Variants in JARID2 observed in about 807,000 individuals in gnomAD.
The protein encoded by JARID2 is jumonji and AT-rich interaction domain containing 2, also known as protein Jumonji.
A neutral mutation model predicts 125.6 loss-of-function variants in JARID2; 21 were observed. That is an observed-to-expected ratio of 0.17 (90% CI 0.12 to 0.24). The LOEUF is 0.24. Ranked by LOEUF, JARID2 falls within the 10% of genes least tolerant of loss-of-function variation. The probability of loss-of-function intolerance (pLI) is 1.00; values close to 1 mark genes in which losing one functional copy is unlikely to be tolerated. For missense variants in JARID2, 1,303 were observed against 1,639.6 expected (o/e 0.79, Z 3.55); for synonymous variants, 736 against 661.6 (o/e 1.11, Z -1.73).
chr6:15,515,231 G>A (rs367683336), intron 16 of JARID2, among the ~76,000 whole-genome samples: 1 of 152,084 alleles, frequency 6.6e-6, no homozygotes, highest in African/African-American at 2.4e-5. Context: ...GGTAGAGATG[G>A]GGTTTTGCTG....
At chr6:15,476,559 C>T (rs1161083730) in intron 5 of JARID2, among the ~76,000 whole-genome samples, 2 of 152,224 alleles carry the variant, frequency 1.3e-5, no homozygotes, top group African/African-American at 4.8e-5. Context: ...TTGTAATCCA[C>T]TGAACATCCT....
chr6:15,508,935 C>G (rs776912209), intron 12 of JARID2: 4 of 1,285,474 alleles, frequency 3.1e-6, no homozygotes, highest in Non-Finnish European at 4.1e-6. Context: ...GAATATAAAC[C>G]GTGGTATTTC....
At chr6:15,276,762 C>CTG (rs1760537746) in intron 1 of JARID2, among the ~76,000 whole-genome samples, 1 of 152,180 alleles carries the variant, frequency 6.6e-6, no homozygotes, top group Non-Finnish European at 1.5e-5. Flanking sequence ...TGGCCTGGTC[C>CTG]TTGGAGGAGA....
chr6:15,261,611 C>G (rs921193254), intron 1 of JARID2, among the ~76,000 whole-genome samples: 1 of 151,690 alleles, frequency 6.6e-6, no homozygotes, highest in African/African-American at 2.4e-5. Flanking sequence ...TGAGCCACCC[C>G]GCCCGGCCTG....
chr6:15,469,334 CT>C (rs1768925360), intron 5 of JARID2, among the ~76,000 whole-genome samples: 1 of 65,474 alleles, frequency 1.5e-5, no homozygotes, highest in Non-Finnish European at 3.0e-5. Flanking sequence ...CTCTCTCTCT[CT>C]CCTGTCTCTC....
rs945456619 is a variant in JARID2, at chr6:15,315,841, G to A, written c.46-58276G>A. Reference sequence around the variant, plus strand: ...ACTGGGCCCAGTGTGCCGTCCATACGTTGAGTACGTTCATTAGTGATTTCA... The same window carrying A: ...ACTGGGCCCAGTGTGCCGTCCATACATTGAGTACGTTCATTAGTGATTTCA... On this transcript the variant is annotated intron_variant, in intron 1 of 17. Coordinates refer to ENST00000341776, the MANE Select transcript of JARID2 (RefSeq NM_004973.4). Among the ~76,000 whole-genome samples, 4 of 152,264 alleles carry A rather than the reference G, an allele frequency of 2.6e-5. No homozygotes were observed. The South Asian group carries it at 8.3e-4, about 32-fold the overall frequency.
intron 1 of JARID2, chr6:15,248,852 G>T (rs1232429751): frequency 5.7e-5 from 54 of 955,180 alleles, no homozygotes; most frequent in Non-Finnish European, 6.0e-5. Flanking sequence ...GGAGGAGGGA[G>T]CTGGGCGGGG....
chr6:15,418,012 T>G (rs950994702), intron 3 of JARID2, among the ~76,000 whole-genome samples: 9 of 152,108 alleles, frequency 5.9e-5, no homozygotes, highest in Non-Finnish European at 1.0e-4. Flanking sequence ...AGTTATTGAG[T>G]CACGGGAAGG....
At chr6:15,329,302 C>T (rs564430577) in intron 1 of JARID2, among the ~76,000 whole-genome samples, 5 of 151,844 alleles carry the variant, frequency 3.3e-5, no homozygotes, top group African/African-American at 1.2e-4. Context: ...TGTGATTAAT[C>T]CTGCAATGAG....
At chr6:15,511,167 G>A (rs1771259368) in intron 12 of JARID2, 129 bp from the exon 13 acceptor site, 9 of 701,710 alleles carry the variant, frequency 1.3e-5, no homozygotes, top group South Asian at 8.0e-5. Context: ...AGGCCAGTGC[G>A]CCATCCCTGC....
intron 17 of JARID2, among the ~76,000 whole-genome samples, chr6:15,517,560 T>G (rs1481866358): frequency 6.6e-6 from 1 of 152,196 alleles, no homozygotes; most frequent in Non-Finnish European, 1.5e-5. Flanking sequence ...CCACTGTGGT[T>G]TAGACCCAGA....
At position 15,275,544 on chromosome 6, in the gene JARID2, C is replaced by CCCCG. The variant is rs1554118142; in HGVS notation, c.45+28960_45+28961insCCCG. 1.1e-3 allele frequency among the ~76,000 whole-genome samples: 100 copies of CCCCG among 94,682 alleles called. 6 individuals carry two copies. The highest frequency in any genetic ancestry group is 1.9e-3 in the South Asian group (3 of 1,580). 62.1% of individuals were successfully genotyped at this position (94,682 alleles called of 152,430 possible). ...TTACCGCCCCCCCCGCCCCCCCCCC[C>CCCCG]GTCTTTTGCCTCTTCAATGACCAGG... On this transcript the variant is annotated intron_variant, in intron 1 of 17. Transcript: ENST00000341776.
chr6:15,449,463 T>TG (rs1391048204), intron 3 of JARID2, among the ~76,000 whole-genome samples: 6 of 150,622 alleles, frequency 4.0e-5, no homozygotes, highest in African/African-American at 1.5e-4. Context: ...CTGGGCAACA[T>TG]GGGGAGACCC....
At chr6:15,428,939 CCAAA>C (rs1294607519) in intron 3 of JARID2, among the ~76,000 whole-genome samples, 14 of 145,670 alleles carry the variant, frequency 9.6e-5, no homozygotes, top group African/African-American at 3.1e-4. Flanking sequence ...AACCCCCCCC[CCAAA>C]AAAAAAAAAA....
intron 2 of JARID2, among the ~76,000 whole-genome samples, chr6:15,403,415 A>G (rs1216014219): frequency 1.3e-5 from 2 of 152,040 alleles, no homozygotes; most frequent in Non-Finnish European, 2.9e-5. Context: ...GGGTCTAGAG[A>G]GCCAGAATGG....
At chr6:15,295,921 AATGTGCGG>A (rs1761395811) in intron 1 of JARID2, among the ~76,000 whole-genome samples, 2 of 152,142 alleles carry the variant, frequency 1.3e-5, no homozygotes, top group Non-Finnish European at 2.9e-5. Flanking sequence ...TTGGCCTCCC[AATGTGCGG>A]GGATTACAGG....
intron 2 of JARID2, 49 bp downstream of exon 2, chr6:15,374,301 C>T (rs368799504): frequency 1.1e-5 from 17 of 1,594,524 alleles, no homozygotes; most frequent in Middle Eastern, 1.7e-4. Context: ...TATCTCTGGG[C>T]GTGGACTTGT....
intron 1 of JARID2, among the ~76,000 whole-genome samples, chr6:15,367,390 G>A (rs1764017899): frequency 6.6e-6 from 1 of 152,110 alleles, no homozygotes; most frequent in African/African-American, 2.4e-5. Context: ...GCTAGTAATA[G>A]AAAATTCCTT....
rs140556836 is a variant in JARID2, at chr6:15,504,538, G to A, written c.2487G>A (p.Ala829=). The A allele has an allele frequency of 6.5e-4, 1,045 of 1,614,050 alleles. 2 individuals carry two copies. The highest frequency in any genetic ancestry group is 3.1e-3 in the Middle Eastern group (19 of 6,062). ...SVSLTTFYRT[A]RNIMSMCFSK... ...CTCTAACAACTTTTTATCGAACAGCGAGGAATATCATGAGCATGTGTTTCA... is the reference window on the plus strand; with the variant it reads ...CTCTAACAACTTTTTATCGAACAGCAAGGAATATCATGAGCATGTGTTTCA... Residue 829 remains alanine, a synonymous_variant, in exon 9 of 18, where the codon GCG becomes GCA. Coordinates refer to ENST00000341776, the MANE Select transcript of JARID2 (RefSeq NM_004973.4).
Sources: gnomAD v4.1 joint callset for allele counts (sites outside exome capture counted in the v4.1 genomes callset) on GRCh38, gnomAD v4.1.1 for gene constraint, MANE v1.5 for transcripts, NCBI Gene and HGNC (gene_info 2026-07-23, HGNC 2026-07-21) for gene names.